The following SGSM3 variants were observed in gnomAD, a reference collection of about 807,000 sequenced individuals.
SGSM3 encodes small G protein signaling modulator 3.
In SGSM3, 96 loss-of-function variants were observed where a neutral mutation model predicts 100.5. That is an observed-to-expected ratio of 0.96 (90% CI 0.81 to 1.13). SGSM3 has a LOEUF of 1.13. SGSM3 is among the 50% of genes most tolerant of loss of function. The probability of loss-of-function intolerance (pLI) is 0.00; values close to 1 mark genes in which losing one functional copy is unlikely to be tolerated. For synonymous variants in SGSM3, 483 were observed against 422.8 expected (o/e 1.14, Z -1.75); for missense variants, 1,001 against 1,015.8 (o/e 0.99, Z 0.20).
In SGSM3 at chr22:40,401,781, TTA is replaced by T. The variant is rs1193350438; in HGVS notation, c.90+108_90+109del. 7.9e-6 allele frequency: 7 copies of T among 880,888 alleles called. No individual in the cohort carries two copies. In the African/African-American group the frequency reaches 9.8e-5, roughly 12 times the overall value. The allele number at this position is 880,888 out of a possible 1,614,324, so 54.6% of individuals were successfully genotyped here. ...GAAGAGGTGGCCAACTCACACAGGG[TTA>T]TGAGTTCCCCACCAGAGATGGTATC... On this transcript the variant is annotated intron_variant, in intron 3 of 21. Transcript: ENST00000248929.
Position 40,401,596 on chromosome 22 carries a change from G to T in SGSM3, c.11G>T (p.Ser4Ile). 6.2e-7 allele frequency: 1 copy of T among 1,612,450 alleles called. No individual in the cohort carries two copies. Among genetic ancestry groups the T allele is most frequent in the South Asian group, 1.1e-5 (1 of 91,052 alleles). ...TCCTGGTCCTCTTTGGTTTTAGGAAGCCATACACCTGCCTGTGGCCCTTTC... is the reference window on the plus strand; with the variant it reads ...TCCTGGTCCTCTTTGGTTTTAGGAATCCATACACCTGCCTGTGGCCCTTTC... MSG[S>I]HTPACGPFSA... is the part of the protein sequence containing the mutation. Residue 4 changes from serine to isoleucine, a missense_variant, in exon 3 of 22, where the codon AGC becomes ATC. Coordinates refer to ENST00000248929, the MANE Select transcript of SGSM3 (RefSeq NM_015705.6).
At chr22:40,402,465 C>T (rs1000539656) in intron 4 of SGSM3, among the ~76,000 whole-genome samples, 7 of 152,152 alleles carry the variant, frequency 4.6e-5, no homozygotes, top group African/African-American at 1.7e-4. Flanking sequence ...TCAGGCTGGA[C>T]GTGGTGGCTC....
At chr22:40,378,556 C>G (rs2047034054) in intron 1 of SGSM3, among the ~76,000 whole-genome samples, 1 of 151,348 alleles carries the variant, frequency 6.6e-6, no homozygotes, top group Non-Finnish European at 1.5e-5. Context: ...TGGCGAAACC[C>G]CATCTCTACT....
chr22:40,404,512 GTGTCACGAGAAAGACTGAGTGCCC>G, intron 5 of SGSM3, 21 bp from the exon 6 acceptor site: 1 of 1,610,518 alleles, frequency 6.2e-7, no homozygotes, highest in Non-Finnish European at 8.5e-7. Context: ...CCATGATCAG[GTGTCACGAGAAAGACTGAGTGCCC>G]TTGCGGCTCC....
chr22:40,400,304 C>T (rs2050579373), intron 1 of SGSM3, among the ~76,000 whole-genome samples: 1 of 152,198 alleles, frequency 6.6e-6, no homozygotes, highest in East Asian at 1.9e-4. Context: ...CACCTACTTC[C>T]TTTCGTAGAG....
rs764154449 is a variant in SGSM3 at position 40,408,820 on chromosome 22, C to T, written c.1880C>T (p.Thr627Ile). 6.2e-7 allele frequency: 1 copy of T among 1,613,794 alleles called. No individual in the cohort carries two copies. Among genetic ancestry groups the T allele is most frequent in the South Asian group, 1.1e-5 (1 of 91,072 alleles). ...FRLDEDGKVL[T>I]PEELLYRAVQ... ...TTGGATGAAGATGGCAAAGTCCTGA[C>T]CCCGGAGGAGCTGCTCTACCGGGTA... Residue 627 changes from threonine (T) to isoleucine (I), a missense_variant, in exon 18 of 22, where the codon ACC (threonine) becomes ATC (isoleucine). Coordinates refer to ENST00000248929, the MANE Select transcript of SGSM3 (RefSeq NM_015705.6).
chr22:40,405,063 G>A, intron 6 of SGSM3, 78 bp from the exon 7 acceptor site: 1 of 1,443,980 alleles, frequency 6.9e-7, no homozygotes, highest in Non-Finnish European at 9.1e-7. Flanking sequence ...TTCTGGGGGA[G>A]AAGCCCGCCT....
chr22:40,398,990 CTT>C (rs554010528), intron 1 of SGSM3, among the ~76,000 whole-genome samples: 2 of 132,528 alleles, frequency 1.5e-5, no homozygotes, highest in Non-Finnish European at 1.6e-5. Context: ...GATGTCTTTA[CTT>C]TTTTTTTTTG....
In SGSM3 at chr22:40,386,622, A is replaced by G. The variant is rs189749424; in HGVS notation, c.-111-14074A>G. Reference sequence around the variant, plus strand: ...AGACAACTAGAGATCAGGTCTCGCTATGTTGCCCAGGCTGGTCTTGAACTC... The same window carrying G: ...AGACAACTAGAGATCAGGTCTCGCTGTGTTGCCCAGGCTGGTCTTGAACTC... On this transcript the variant is annotated intron_variant, in intron 1 of 21. Transcript: ENST00000248929. 1.9e-3 allele frequency among the ~76,000 whole-genome samples: 214 copies of G among 113,406 alleles called. 1 individual carries two copies. The highest frequency in any genetic ancestry group is 7.1e-3 in the African/African-American group (202 of 28,266). 74.4% of individuals were successfully genotyped at this position (113,406 alleles called of 152,430 possible). A position where few individuals can be genotyped will look rare whatever the true frequency, so the allele number is the denominator to read the frequency against.
At chr22:40,399,463 C>T (rs111827394) in intron 1 of SGSM3, among the ~76,000 whole-genome samples, 19 of 152,220 alleles carry the variant, frequency 1.2e-4, no homozygotes, top group African/African-American at 3.9e-4. Flanking sequence ...GCCATGTGTC[C>T]GTCATTTCAC....
chr22:40,375,683 AC>A (rs971216818), intron 1 of SGSM3, among the ~76,000 whole-genome samples: 21 of 149,354 alleles, frequency 1.4e-4, no homozygotes, highest in African/African-American at 5.1e-4. Context: ...TTTTTTCACT[AC>A]AACAAAATTA....
chr22:40,409,098 AC>A, intron 19 of SGSM3, 80 bp downstream of exon 19: 1 of 1,549,584 alleles, frequency 6.5e-7, no homozygotes, highest in Non-Finnish European at 8.7e-7. Context: ...CTTACAGGGA[AC>A]CCTAAAGGAC....
At chr22:40,375,344 C>T (rs1454962464) in intron 1 of SGSM3, among the ~76,000 whole-genome samples, 1 of 152,110 alleles carries the variant, frequency 6.6e-6, no homozygotes, top group African/African-American at 2.4e-5. Flanking sequence ...CTTTGGGAGG[C>T]CGAGGTAGGC....
chr22:40,390,912 C>T (rs1285707481), intron 1 of SGSM3, among the ~76,000 whole-genome samples: 1 of 152,154 alleles, frequency 6.6e-6, no homozygotes, highest in Non-Finnish European at 1.5e-5. Context: ...TGTGCTTATT[C>T]ATCAAACAGT....
chr22:40,375,150 A>G (rs1249292004), intron 1 of SGSM3, among the ~76,000 whole-genome samples: 4 of 152,188 alleles, frequency 2.6e-5, no homozygotes, highest in African/African-American at 7.2e-5. Flanking sequence ...AGTGATAAAC[A>G]TATTTCTGCT....
At chr22:40,379,096 C>T (rs2047127531) in intron 1 of SGSM3, among the ~76,000 whole-genome samples, 1 of 152,224 alleles carries the variant, frequency 6.6e-6, no homozygotes, top group South Asian at 2.1e-4. Context: ...TAGCACTATT[C>T]ATCTGACATA....
chr22:40,402,477 C>G (rs1228181604), intron 4 of SGSM3, among the ~76,000 whole-genome samples: 3 of 152,194 alleles, frequency 2.0e-5, no homozygotes, highest in Admixed American at 2.0e-4. Flanking sequence ...TGGTGGCTCA[C>G]GCCTGTAATC....
chr22:40,409,859 G>C lies in SGSM3; in HGVS notation c.*100G>C. ...GAGCAGCTCCAGAGCCCTGGCCGGG[G>C]CCGCGGGATATCAATATCAGGCTGC... On this transcript the variant is annotated 3_prime_UTR_variant, in exon 22 of 22. Transcript: ENST00000248929. 6.7e-7 allele frequency: 1 copy of C among 1,487,354 alleles called. No homozygotes were observed. Among genetic ancestry groups the C allele is most frequent in the Non-Finnish European group, 8.9e-7 (1 of 1,126,962 alleles). The allele number at this position is 1,487,354 out of a possible 1,614,324, so 92.1% of individuals were successfully genotyped here.
At chr22:40,376,768 C>T (rs1226996257) in intron 1 of SGSM3, among the ~76,000 whole-genome samples, 1 of 151,850 alleles carries the variant, frequency 6.6e-6, no homozygotes, top group Non-Finnish European at 1.5e-5. Context: ...ATAATCTCCA[C>T]CTTCATAGTT....
Sources: gnomAD v4.1 joint callset for allele counts (sites outside exome capture counted in the v4.1 genomes callset) on GRCh38, gnomAD v4.1.1 for gene constraint, MANE v1.5 for transcripts, NCBI Gene and HGNC (gene_info 2026-07-23, HGNC 2026-07-21) for gene names.